Variants in L3MBTL4 observed in about 807,000 individuals in gnomAD.
The protein encoded by L3MBTL4 is L3MBTL histone methyl-lysine binding protein 4, also known as lethal(3)malignant brain tumor-like protein 4.
L3MBTL4 carries 70 observed loss-of-function variants against 84.5 expected under a neutral mutation model. That is an observed-to-expected ratio of 0.83 (90% CI 0.68 to 1.01). The LOEUF (loss-of-function observed/expected upper bound fraction) is 1.01. Among genes scored for constraint, L3MBTL4 ranks in the 50% least tolerant of loss-of-function variants. L3MBTL4 has a pLI of 0.00. For missense variants in L3MBTL4, 715 were observed against 754.8 expected, an observed-to-expected ratio of 0.95 and a Z score of 0.62; for synonymous variants, 274 against 259.8, an observed-to-expected ratio of 1.05 and a Z score of -0.52.
intron 12 of L3MBTL4, among the ~76,000 whole-genome samples, chr18:6,203,835 C>T (rs1414641137): frequency 6.6e-6 from 1 of 152,208 alleles, no homozygotes; most frequent in Non-Finnish European, 1.5e-5. Context: ...CATTCTGCTG[C>T]TCTTGACTGG....
intron 1 of L3MBTL4, among the ~76,000 whole-genome samples, chr18:6,341,592 T>C (rs1299372428): frequency 6.6e-6 from 1 of 150,994 alleles, no homozygotes; most frequent in Middle Eastern, 3.2e-3. Context: ...GGAATAAAAA[T>C]AAAACAAGAA....
chr18:5,990,122 G>C (rs1319505850), intron 16 of L3MBTL4, among the ~76,000 whole-genome samples: 1 of 152,194 alleles, frequency 6.6e-6, no homozygotes. Context: ...TTTGGCTGTG[G>C]GGAACCAGGG....
At chr18:6,043,918 C>A (rs1472538647) in intron 16 of L3MBTL4, among the ~76,000 whole-genome samples, 1 of 152,174 alleles carries the variant, frequency 6.6e-6, no homozygotes, top group African/African-American at 2.4e-5. Context: ...CCTAAAAAAT[C>A]ATGCACTTCT....
chr18:6,016,728 C>T (rs1296935490), intron 16 of L3MBTL4, among the ~76,000 whole-genome samples: 1 of 152,192 alleles, frequency 6.6e-6, no homozygotes, highest in African/African-American at 2.4e-5. Flanking sequence ...GTCTACAAAA[C>T]CTATGATAAA....
At chr18:6,144,898 GA>G (rs760430005) in intron 13 of L3MBTL4, among the ~76,000 whole-genome samples, 5 of 152,068 alleles carry the variant, frequency 3.3e-5, no homozygotes, top group Non-Finnish European at 7.4e-5. Context: ...GGGAAGAAGA[GA>G]AAAAAGGAAG....
intron 1 of L3MBTL4, among the ~76,000 whole-genome samples, chr18:6,333,127 A>G (rs957253324): frequency 6.7e-6 from 1 of 149,948 alleles, no homozygotes; most frequent in East Asian, 1.9e-4. Flanking sequence ...TAAAAAAAAA[A>G]CATATGGCAT....
chr18:5,986,133 G>A (rs141490319), intron 16 of L3MBTL4, among the ~76,000 whole-genome samples: 67 of 152,306 alleles, frequency 4.4e-4, no homozygotes, highest in Non-Finnish European at 8.2e-4. Context: ...CTGAGAGGCC[G>A]AAAGAGATGC....
At chr18:6,169,817 T>TA in intron 13 of L3MBTL4, among the ~76,000 whole-genome samples, 1 of 151,034 alleles carries the variant, frequency 6.6e-6, no homozygotes. Flanking sequence ...ACCCTAAAAC[T>TA]TAAAGTATAA....
intron 13 of L3MBTL4, among the ~76,000 whole-genome samples, chr18:6,138,628 T>A (rs1212446107): frequency 1.3e-5 from 2 of 152,168 alleles, no homozygotes; most frequent in African/African-American, 2.4e-5. Flanking sequence ...CTCGGCTCAC[T>A]GCAACCTCTG....
intron 16 of L3MBTL4, among the ~76,000 whole-genome samples, chr18:5,995,688 A>C (rs945466452): frequency 6.6e-6 from 1 of 152,186 alleles, no homozygotes; most frequent in South Asian, 2.1e-4. Context: ...CAGATTTGGG[A>C]GTTCTAAGAA....
intron 15 of L3MBTL4, among the ~76,000 whole-genome samples, chr18:6,087,069 G>A (rs978390954): frequency 6.6e-6 from 1 of 152,180 alleles, no homozygotes; most frequent in African/African-American, 2.4e-5. Flanking sequence ...AGCTTGATAA[G>A]AACAAGGATT....
intron 16 of L3MBTL4, among the ~76,000 whole-genome samples, chr18:6,019,207 T>C (rs2055137361): frequency 6.6e-6 from 1 of 152,212 alleles, no homozygotes; most frequent in Non-Finnish European, 1.5e-5. Flanking sequence ...CGAGAGCTTA[T>C]TATGTGATAT....
intron 1 of L3MBTL4, among the ~76,000 whole-genome samples, chr18:6,318,790 T>A: frequency 6.6e-6 from 1 of 152,036 alleles, no homozygotes; most frequent in Non-Finnish European, 1.5e-5. Flanking sequence ...AGCTAACATA[T>A]ATTTATAGAA....
intron 5 of L3MBTL4, among the ~76,000 whole-genome samples, chr18:6,250,723 G>A (rs1185252105): frequency 6.6e-6 from 1 of 152,110 alleles, no homozygotes. Context: ...AGGACCTCAG[G>A]CCACTGATTT....
In L3MBTL4 at chr18:6,084,998, G is replaced by A. The variant is rs534840532; in HGVS notation, c.1374-4047C>T. ...CTGCACAAGCTTTCTATGTTCCCAC[G>A]CATGTGTGTAGGTTTGGATATGCGA... On this transcript the variant is annotated intron_variant, in intron 15 of 18. Coordinates refer to ENST00000317931, the MANE Select transcript of L3MBTL4 (RefSeq NM_001330559.2). 2.6e-5 allele frequency among the ~76,000 whole-genome samples: 4 copies of A among 152,264 alleles called. No homozygotes were observed. In the South Asian group the frequency reaches 6.2e-4, roughly 24 times the overall value.
chr18:6,029,837 C>T, intron 16 of L3MBTL4: 2 of 985,276 alleles, frequency 2.0e-6, no homozygotes, highest in Non-Finnish European at 1.2e-6. Flanking sequence ...TGAGGAAATG[C>T]CGAAAAGGAT....
intron 13 of L3MBTL4, among the ~76,000 whole-genome samples, chr18:6,157,364 C>T (rs527686065): frequency 4.9e-4 from 75 of 152,278 alleles, no homozygotes; most frequent in African/African-American, 1.7e-3. Context: ...ATATTAATTG[C>T]TTCACATCTG....
At chr18:6,221,651 G>A (rs1360636639) in intron 10 of L3MBTL4, among the ~76,000 whole-genome samples, 11 of 152,222 alleles carry the variant, frequency 7.2e-5, no homozygotes, top group Non-Finnish European at 1.6e-4. Flanking sequence ...GCTCTAGGCT[G>A]CTGGGCCTGA....
At chr18:5,966,290 A>G (rs693186) in intron 17 of L3MBTL4, among the ~76,000 whole-genome samples, 12,996 of 152,182 alleles carry the variant, frequency 0.085, 1,705 homozygotes, top group African/African-American at 0.29. Flanking sequence ...AGAAGTTAAT[A>G]AAAGCTCTGG....
Sources: allele counts gnomAD v4.1 joint callset (sites outside exome capture counted in the v4.1 genomes callset), GRCh38; gene constraint gnomAD v4.1.1; transcripts MANE v1.5; gene names NCBI Gene and HGNC (gene_info 2026-07-23, HGNC 2026-07-21).